PRH1: variants seen among roughly 807,000 people sequenced by gnomAD.
The protein encoded by PRH1 is salivary acidic proline-rich phosphoprotein 1/2.
A neutral mutation model predicts 7.9 loss-of-function variants in PRH1; 7 were observed. The observed-to-expected ratio is 0.89, with a 90% CI of 0.50 to 1.67. PRH1 has a LOEUF of 1.67. Ranked by LOEUF, PRH1 falls within the 40% of genes most tolerant of loss-of-function variation. The pLI is 0.00. For missense variants in PRH1, 109 were observed against 223.6 expected (o/e 0.49, Z 3.27); for synonymous variants, 45 against 80.8 (o/e 0.56, Z 2.38).
At chr12:11,158,013 T>C (rs536956885) in intron 1 of PRH1, among the ~76,000 whole-genome samples, 1 of 152,308 alleles carries the variant, frequency 6.6e-6, no homozygotes, top group Admixed American at 6.5e-5. Context: ...AAGAATATTT[T>C]CACCTACTAC....
upstream of PRH1, among the ~76,000 whole-genome samples, chr12:10,884,799 C>T (rs1007850091): frequency 3.3e-5 from 5 of 152,196 alleles, no homozygotes; most frequent in African/African-American, 1.2e-4. Context: ...GAGGACAGCA[C>T]ACTCCCAGGC....
At chr12:10,966,976 C>G (rs2052180) in intron 2 of PRH1, among the ~76,000 whole-genome samples, 114,420 of 151,998 alleles carry the variant, frequency 0.75, 45,162 homozygotes, top group East Asian at 0.95. Context: ...TTAGCCAGGC[C>G]TGGTGGCGGG....
At chr12:11,162,532 C>A (rs1947446451) in intron 1 of PRH1, among the ~76,000 whole-genome samples, 1 of 152,200 alleles carries the variant, frequency 6.6e-6, no homozygotes, top group Non-Finnish European at 1.5e-5. Context: ...GACTTTAATG[C>A]ATCCCCAGGA....
rs1356771144 is a variant in PRH1 at position 11,102,752 on chromosome 12, G to C, written n.124-55564C>G. ...AAAGAAACTACTGTCACAGTGAACA[G>C]GCAACCTACAGAAGGAGAAAATTTT... On this transcript the variant is annotated intron_variant and non_coding_transcript_variant, in intron 1 of 4. Transcript: ENST00000541977. Among the ~76,000 whole-genome samples the C allele has an allele frequency of 3.9e-5, 6 of 152,104 alleles. No individual in the cohort carries two copies. In the East Asian group the frequency reaches 5.8e-4, roughly 15 times the overall value.
Position 11,098,051 on chromosome 12 carries a change from G to C in PRH1, n.124-50863C>G, listed in dbSNP as rs1174905970. Among the ~76,000 whole-genome samples, 203 of 70,928 alleles carry C rather than the reference G, an allele frequency of 2.9e-3. 47 individuals are homozygous for C. Among genetic ancestry groups the C allele is most frequent in the African/African-American group, 6.4e-3 (191 of 29,790 alleles). The allele number at this position is 70,928 out of a possible 152,430, so 46.5% of individuals were successfully genotyped here. A position where few individuals can be genotyped will look rare whatever the true frequency, so the allele number is the denominator to read the frequency against. ...GGATTCTATTTTGGGATTTTTTTTG[G>C]CATTTTTGAACACTAACATGGACAA... On this transcript the variant is annotated intron_variant and non_coding_transcript_variant, in intron 1 of 4. Coordinates refer to the PRH1 transcript ENST00000541977.
At chr12:10,969,437 G>C (rs943986322) in intron 2 of PRH1, among the ~76,000 whole-genome samples, 9 of 152,130 alleles carry the variant, frequency 5.9e-5, no homozygotes, top group African/African-American at 2.2e-4. Flanking sequence ...TTGAGAGTGG[G>C]GCTTTAGCTG....
chr12:11,007,487 C>G (rs1017841180), intron 1 of PRH1, among the ~76,000 whole-genome samples: 7 of 152,012 alleles, frequency 4.6e-5, no homozygotes, highest in African/African-American at 1.7e-4. Context: ...AAGTTACTCT[C>G]AAGTCTATTT....
At chr12:11,020,751 C>T (rs1365284524) in intron 1 of PRH1, among the ~76,000 whole-genome samples, 3 of 121,762 alleles carry the variant, frequency 2.5e-5, no homozygotes, top group South Asian at 2.8e-4. Context: ...TTTGATTGGC[C>T]TGTTTTTTTA....
intron 3 of PRH1, among the ~76,000 whole-genome samples, chr12:10,881,335 T>C (rs1463156315): frequency 2.0e-5 from 3 of 152,232 alleles, no homozygotes; most frequent in Non-Finnish European, 4.4e-5. Context: ...GGGCTATTTT[T>C]ACAAAGATGG....
intron 2 of PRH1, among the ~76,000 whole-genome samples, chr12:10,919,921 T>C (rs894723242): frequency 6.6e-6 from 1 of 151,382 alleles, no homozygotes; most frequent in Non-Finnish European, 1.5e-5. Context: ...TTTTTTTTTT[T>C]CCTGACAGAG....
intron 1 of PRH1, among the ~76,000 whole-genome samples, chr12:10,976,739 C>A (rs1222016968): frequency 6.6e-6 from 1 of 151,714 alleles, no homozygotes. Flanking sequence ...GGGACATTAC[C>A]ACTGACCCCA....
chr12:11,157,140 T>C (rs768008662), intron 1 of PRH1, among the ~76,000 whole-genome samples: 3 of 152,162 alleles, frequency 2.0e-5, no homozygotes, highest in South Asian at 2.1e-4. Context: ...TGGTCAAGAA[T>C]AGAATAAAAG....
chr12:11,004,004 TTGTATA>T (rs969454875), intron 1 of PRH1, among the ~76,000 whole-genome samples: 1 of 150,416 alleles, frequency 6.6e-6, no homozygotes, highest in African/African-American at 2.4e-5. Context: ...CGATATATAC[TTGTATA>T]TGTATTCTGA....
At chr12:11,132,858 T>C (rs1235139855) in intron 1 of PRH1, 2 of 156,784 alleles carry the variant, frequency 1.3e-5, no homozygotes, top group African/African-American at 4.8e-5. Context: ...AGTTATAGGT[T>C]AAAACAACAG....
chr12:10,974,718 A>C (rs572422443), intron 1 of PRH1, among the ~76,000 whole-genome samples: 1 of 152,342 alleles, frequency 6.6e-6, no homozygotes, highest in South Asian at 2.1e-4. Context: ...GAACTCTGGC[A>C]ACACGAAAAG....
chr12:11,077,495 A>T, intron 1 of PRH1: 1 of 1,017,376 alleles, frequency 9.8e-7, no homozygotes, highest in South Asian at 1.5e-5. Flanking sequence ...CAAAGATTCC[A>T]GGTTAATGTG....
intron 2 of PRH1, among the ~76,000 whole-genome samples, chr12:10,945,831 C>T (rs1950478454): frequency 6.6e-6 from 1 of 152,164 alleles, no homozygotes; most frequent in African/African-American, 2.4e-5. Flanking sequence ...GAGGCCTCCC[C>T]TCAGGGACAC....
intron 2 of PRH1, among the ~76,000 whole-genome samples, chr12:10,910,411 C>G (rs975464726): frequency 1.3e-5 from 2 of 151,750 alleles, no homozygotes; most frequent in Non-Finnish European, 2.9e-5. Flanking sequence ...CGCTCGAGCC[C>G]AAAAGTTTGA....
At chr12:11,112,555 CAT>C (rs1470249687) in intron 1 of PRH1, among the ~76,000 whole-genome samples, 3 of 152,116 alleles carry the variant, frequency 2.0e-5, no homozygotes, top group East Asian at 3.8e-4. Context: ...ACAAAAACCA[CAT>C]GATTATCTCA....
Sources: allele counts gnomAD v4.1 joint callset (sites outside exome capture counted in the v4.1 genomes callset), GRCh38; gene constraint gnomAD v4.1.1; transcripts MANE v1.5; gene names NCBI Gene and HGNC (gene_info 2026-07-23, HGNC 2026-07-21).